The following KLF8 variants were observed in gnomAD, a reference collection of about 807,000 sequenced individuals.
KLF8 encodes Krueppel-like factor 8.
Under a neutral mutation model 18.2 loss-of-function variants are expected in KLF8, and 10 were observed. The observed-to-expected ratio is 0.55, with a 90% CI of 0.34 to 0.93. The LOEUF (loss-of-function observed/expected upper bound fraction) is 0.93, where lower values mean the gene tolerates loss of function less well. Ranked by LOEUF, KLF8 falls within the 40% of genes least tolerant of loss-of-function variation. KLF8 has a pLI of 0.02. For missense variants in KLF8, 264 were observed against 277.9 expected (o/e 0.95, Z 0.36); for synonymous variants, 109 against 97.3 (o/e 1.12, Z -0.71).
chrX:56,079,924 A>T, the KLF8 span, among the ~76,000 whole-genome samples: 4 of 109,974 alleles, frequency 3.6e-5, no homozygotes, highest in African/African-American at 1.3e-4. Flanking sequence ...GTCTCTTTTG[A>T]TCTTTGTTGG....
chrX:55,914,240 G>A, the KLF8 span, among the ~76,000 whole-genome samples: 2 of 111,460 alleles, frequency 1.8e-5, no homozygotes, highest in African/African-American at 6.5e-5. Flanking sequence ...TTTTGAAATG[G>A]GGAAGCAGCA....
the KLF8 span, among the ~76,000 whole-genome samples, chrX:56,071,540 G>A: frequency 1.8e-5 from 2 of 111,962 alleles, no homozygotes; most frequent in Non-Finnish European, 3.8e-5. Context: ...CATTGTCTTC[G>A]ATAGAAGCTT....
At chrX:56,073,586 C>CT in the KLF8 span, among the ~76,000 whole-genome samples, 2 of 111,214 alleles carry the variant, frequency 1.8e-5, no homozygotes, top group Non-Finnish European at 3.8e-5. Context: ...TCCACAGTGG[C>CT]TGCACCATTT....
the KLF8 span, among the ~76,000 whole-genome samples, chrX:56,082,214 A>T: frequency 8.9e-6 from 1 of 111,736 alleles, no homozygotes; most frequent in East Asian, 2.8e-4. Flanking sequence ...TTAAAATTTT[A>T]TTTACCTTAA....
chrX:55,909,018 T>C, the KLF8 span, among the ~76,000 whole-genome samples: 1 of 110,720 alleles, frequency 9.0e-6, no homozygotes, highest in African/African-American at 3.3e-5. Context: ...GGCTGTGTGG[T>C]TGGATCCTTG....
the KLF8 span, among the ~76,000 whole-genome samples, chrX:56,193,375 T>A: frequency 8.9e-6 from 1 of 111,887 alleles, no homozygotes; most frequent in African/African-American, 3.2e-5. Context: ...TGGGTGGGGT[T>A]GTAAGTTAGT....
the KLF8 span, among the ~76,000 whole-genome samples, chrX:56,086,451 C>A: frequency 5.4e-5 from 6 of 110,200 alleles, no homozygotes; most frequent in Non-Finnish European, 1.1e-4. Context: ...AGAGCAGTCA[C>A]TCCTGAGTTC....
intron 5 of KLF8, among the ~76,000 whole-genome samples, chrX:56,282,484 G>T (rs1384146958): frequency 8.9e-6 from 1 of 112,197 alleles, no homozygotes; most frequent in Non-Finnish European, 1.9e-5. Flanking sequence ...ATAGTCCAAA[G>T]CTGTGATTCA....
the KLF8 span, among the ~76,000 whole-genome samples, chrX:55,968,245 A>G: frequency 1.8e-5 from 2 of 109,517 alleles, no homozygotes; most frequent in Non-Finnish European, 3.9e-5. Context: ...GGAAGGACTT[A>G]CTTATTAATA....
chrX:56,083,609 G>A, the KLF8 span, among the ~76,000 whole-genome samples: 2 of 111,933 alleles, frequency 1.8e-5, no homozygotes, highest in Admixed American at 9.5e-5. Flanking sequence ...ATCTGGGCTA[G>A]ATGATCTATA....
the KLF8 span, among the ~76,000 whole-genome samples, chrX:56,191,903 T>A: frequency 3.6e-5 from 4 of 111,606 alleles, no homozygotes; most frequent in South Asian, 1.5e-3. Flanking sequence ...AGCCTTTGCC[T>A]AAGATCTGGA....
chrX:56,003,407 AAAATAAATAAAT>A, the KLF8 span, among the ~76,000 whole-genome samples: 38 of 100,277 alleles, frequency 3.8e-4, no homozygotes, highest in South Asian at 2.3e-3. Flanking sequence ...GAGACTCCGT[AAAATAAATAAAT>A]AAATAAATAA....
the KLF8 span, among the ~76,000 whole-genome samples, chrX:56,182,406 A>T: frequency 7.1e-5 from 8 of 111,916 alleles, no homozygotes; most frequent in Non-Finnish European, 1.3e-4. Context: ...GTGGGTTTGA[A>T]CATCCTCCTT....
the KLF8 span, among the ~76,000 whole-genome samples, chrX:56,203,677 G>T: frequency 8.9e-6 from 1 of 111,981 alleles, no homozygotes; most frequent in East Asian, 2.8e-4. Flanking sequence ...ATTTATTGAA[G>T]AGATGGTCCA....
the KLF8 span, among the ~76,000 whole-genome samples, chrX:56,165,538 G>A: frequency 9.0e-6 from 1 of 111,384 alleles, no homozygotes; most frequent in Non-Finnish European, 1.9e-5. Context: ...CAGTTGTGTG[G>A]GTCTTCAAAA....
chrX:56,233,521 TA>T (rs1402942871), intron 1 of KLF8, among the ~76,000 whole-genome samples, 180 bp downstream of exon 1: 1 of 111,806 alleles, frequency 8.9e-6, no homozygotes. Context: ...ATGACTTTGC[TA>T]AAGGGCTGGG....
the KLF8 span, among the ~76,000 whole-genome samples, chrX:56,159,152 T>C: frequency 8.9e-6 from 1 of 112,205 alleles, no homozygotes; most frequent in Non-Finnish European, 1.9e-5. Context: ...AATCATATGA[T>C]TTTTGTCATT....
chrX:56,113,554 GTTTTTTTTTT>G, the KLF8 span, among the ~76,000 whole-genome samples: 1 of 34,662 alleles, frequency 2.9e-5, no homozygotes, highest in Non-Finnish European at 4.8e-5. Context: ...GGCAGGGATA[GTTTTTTTTTT>G]TTTTTTTTTT....
chrX:56,173,212 G>A, the KLF8 span, among the ~76,000 whole-genome samples: 7 of 111,641 alleles, frequency 6.3e-5, no homozygotes, highest in Admixed American at 4.8e-4. Flanking sequence ...AGGTTTTCTT[G>A]TAGGGTTTTT....
Sources: gnomAD v4.1 joint callset for allele counts (sites outside exome capture counted in the v4.1 genomes callset) on GRCh38, gnomAD v4.1.1 for gene constraint, MANE v1.5 for transcripts, NCBI Gene and HGNC (gene_info 2026-07-23, HGNC 2026-07-21) for gene names.